SCYL3: variants seen among roughly 807,000 people sequenced by gnomAD.
The protein encoded by SCYL3 is SCY1 like pseudokinase 3, also known as protein-associating with the carboxyl-terminal domain of ezrin.
Under a neutral mutation model 73.8 loss-of-function variants are expected in SCYL3, and 35 were observed. The observed-to-expected ratio is 0.47, with a 90% CI of 0.36 to 0.63. The LOEUF (loss-of-function observed/expected upper bound fraction) is 0.63, where lower values mean the gene tolerates loss of function less well. Among genes scored for constraint, SCYL3 ranks in the 20% least tolerant of loss-of-function variants. SCYL3 has a pLI of 0.00. For missense variants in SCYL3, 712 were observed against 798.9 expected (o/e 0.89, Z 1.31); for synonymous variants, 277 against 295.2 (o/e 0.94, Z 0.63).
In SCYL3 at chr1:169,849,882, T is replaced by G; in HGVS notation, c.*3831A>C. The G allele has an allele frequency of 2.1e-6, 1 of 475,638 alleles. No homozygotes were observed. Among genetic ancestry groups the G allele is most frequent in the South Asian group, 2.6e-5 (1 of 38,328 alleles). 29.5% of individuals were successfully genotyped at this position (475,638 alleles called of 1,614,324 possible). A position where few individuals can be genotyped will look rare whatever the true frequency, so the allele number is the denominator to read the frequency against. ...GACACAGACACAGTCTTCCAGCAGA[T>G]AGTATTTTTGGGTCAAATGATAATA... On this transcript the variant is annotated 3_prime_UTR_variant, in exon 13 of 13. Transcript: ENST00000367771.
At chr1:169,855,189 G>GT (rs1311894784) in intron 11 of SCYL3, among the ~76,000 whole-genome samples, 2 of 152,184 alleles carry the variant, frequency 1.3e-5, no homozygotes, top group African/African-American at 4.8e-5. Flanking sequence ...GTGGAAGCAT[G>GT]TAAGTAATAA....
In SCYL3 at chr1:169,876,721, C is replaced by T. The variant is rs575515784; in HGVS notation, c.352-630G>A. 3.3e-5 allele frequency among the ~76,000 whole-genome samples: 5 copies of T among 151,880 alleles called. No individual in the cohort carries two copies. The East Asian group carries it at 5.8e-4, about 18-fold the overall frequency. On this transcript the variant is annotated intron_variant, in intron 3 of 12. Transcript: ENST00000367771. ...CTGTAATCCCAGCACTTTGGGAGGT[C>T]GAGGCAGGCAGATCATGAGGTCAGG...
chr1:169,882,014 T>C (rs777169007), intron 2 of SCYL3, among the ~76,000 whole-genome samples: 8 of 152,240 alleles, frequency 5.3e-5, no homozygotes, highest in Non-Finnish European at 2.9e-5. Context: ...TTGACGGCAC[T>C]TGAGGAGCCC....
Position 169,849,774 on chromosome 1 carries a change from G to A in SCYL3, c.*3939C>T, listed in dbSNP as rs12076599. On this transcript the variant is annotated 3_prime_UTR_variant, in exon 13 of 13. Coordinates refer to ENST00000367771, the MANE Select transcript of SCYL3 (RefSeq NM_020423.7). ...TTACAGCTTCTCAAAATGAGGCTTA[G>A]ATAAATGAAGTGAATTTCGTAAGGT... 4 of 599,740 alleles carry A rather than the reference G, an allele frequency of 6.7e-6. No homozygotes were observed. In the Admixed American group the frequency reaches 1.2e-4, roughly 18 times the overall value. 37.2% of individuals were successfully genotyped at this position (599,740 alleles called of 1,614,324 possible).
At chr1:169,860,903 C>T (rs1659589659) in intron 10 of SCYL3, among the ~76,000 whole-genome samples, 1 of 152,228 alleles carries the variant, frequency 6.6e-6, no homozygotes, top group Admixed American at 6.5e-5. Flanking sequence ...AGTGAACTTT[C>T]TAGCACACAC....
intron 10 of SCYL3, 145 bp from the exon 11 acceptor site, chr1:169,859,357 A>T: frequency 1.5e-6 from 1 of 681,112 alleles, no homozygotes; most frequent in African/African-American, 1.9e-5. Flanking sequence ...TGGCTCTCAA[A>T]CTACCTGTGG....
rs1486917164 is a variant in SCYL3 at position 169,863,973 on chromosome 1, A to G, written c.955+396T>C. Among the ~76,000 whole-genome samples, 3 of 152,160 alleles carry G rather than the reference A, an allele frequency of 2.0e-5. No homozygotes were observed. The East Asian group carries it at 5.8e-4, about 29-fold the overall frequency. On this transcript the variant is annotated intron_variant, in intron 9 of 12. Coordinates refer to ENST00000367771, the MANE Select transcript of SCYL3 (RefSeq NM_020423.7). ...ATTCGTAAAAAAAACTTGAAGCCCC[A>G]GGAAGTAAAATGATCTCAGTGCTTT...
At position 169,853,092 on chromosome 1, in the gene SCYL3, A is replaced by G; in HGVS notation, c.*621T>C. ...AAACAAATTTTGTAAAGTTGAATCT[A>G]GTGAAAATAATCTTTATTTGACATT... On this transcript the variant is annotated 3_prime_UTR_variant, in exon 13 of 13. Transcript: ENST00000367771. 9.7e-7 allele frequency: 1 copy of G among 1,035,826 alleles called. No individual in the cohort carries two copies. 64.2% of individuals were successfully genotyped at this position (1,035,826 alleles called of 1,614,324 possible).
At position 169,853,625 on chromosome 1, in the gene SCYL3, T is replaced by A; in HGVS notation, c.*88A>T. On this transcript the variant is annotated 3_prime_UTR_variant, in exon 13 of 13. Transcript: ENST00000367771. The stretch of plus-strand genomic sequence containing the variant: ...ATGGGAAAAGCAGGCCACTTTGGGG[T>A]TTTCTTGTCCCAAAGCCTGCTTTTG... The A allele has an allele frequency of 2.8e-6, 4 of 1,429,388 alleles. No homozygotes were observed. Among genetic ancestry groups the A allele is most frequent in the Non-Finnish European group, 3.9e-6 (4 of 1,030,964 alleles). The allele number at this position is 1,429,388 out of a possible 1,614,324, so 88.5% of individuals were successfully genotyped here. A position where few individuals can be genotyped will look rare whatever the true frequency, so the allele number is the denominator to read the frequency against.
chr1:169,894,093 T>C (rs1662285282), upstream of SCYL3: 1 of 152,322 alleles, frequency 6.6e-6, no homozygotes. Flanking sequence ...CGAGTTTCAC[T>C]CACTGCCCCA....
Position 169,862,749 on chromosome 1 carries a change from T to C in SCYL3, c.1004A>G (p.Gln335Arg). 6.2e-7 allele frequency: 1 copy of C among 1,614,226 alleles called. No individual in the cohort carries two copies. The change falls in exon 10 of 13, where the codon CAG becomes CGG. Residue 335 changes from glutamine to arginine, a missense_variant. Gln to Arg is a conservative substitution (Grantham distance 43). Transcript: ENST00000367771. ...GAGAAGCACGGGGATCACCCGTGAC[T>C]GGAACAGGGCTGGTGAGAGCAAGCA... is the stretch of plus-strand genomic sequence containing the variant. ...TPCLLSPALF[Q>R]SRVIPVLLQL... is the part of the protein sequence containing the mutation.
In SCYL3 at chr1:169,851,409, C is replaced by T. The variant is rs1658313956; in HGVS notation, c.*2304G>A. ...CCAGATTGGAGTGTGGTGGTGTGAT[C>T]ATAGCTCGCTATAACCTCAAACTCC... is the stretch of plus-strand genomic sequence containing the variant. On this transcript the variant is annotated 3_prime_UTR_variant, in exon 13 of 13. Transcript: ENST00000367771. 1 of 159,314 alleles carries T rather than the reference C, an allele frequency of 6.3e-6. No individual in the cohort carries two copies. The highest frequency in any genetic ancestry group is 1.4e-5 in the Non-Finnish European group (1 of 73,094). The allele number at this position is 159,314 out of a possible 1,614,324, so 9.9% of individuals were successfully genotyped here. A position where few individuals can be genotyped will look rare whatever the true frequency, so the allele number is the denominator to read the frequency against.
intron 2 of SCYL3, among the ~76,000 whole-genome samples, chr1:169,888,042 AG>A (rs1291516485): frequency 1.3e-4 from 20 of 152,374 alleles, no homozygotes; most frequent in African/African-American, 4.8e-4. Flanking sequence ...TTTCCATTTT[AG>A]AAGATGATAT....
Position 169,852,269 on chromosome 1 carries a change from T to C in SCYL3, c.*1444A>G. ...ACTCCTAAATGTTTAGTTTGATTCC[T>C]TGCCTTATTAATCAAATGAGTCTCC... On this transcript the variant is annotated 3_prime_UTR_variant, in exon 13 of 13. Coordinates refer to ENST00000367771, the MANE Select transcript of SCYL3 (RefSeq NM_020423.7). 2.9e-6 allele frequency: 1 copy of C among 341,232 alleles called. No individual in the cohort carries two copies. The allele number at this position is 341,232 out of a possible 1,614,324, so 21.1% of individuals were successfully genotyped here. A position where few individuals can be genotyped will look rare whatever the true frequency, so the allele number is the denominator to read the frequency against.
At chr1:169,860,398 C>T (rs1659542999) in intron 10 of SCYL3, among the ~76,000 whole-genome samples, 1 of 152,258 alleles carries the variant, frequency 6.6e-6, no homozygotes, top group South Asian at 2.1e-4. Flanking sequence ...ACCAGCCAGA[C>T]ACAAGGCCAG....
chr1:169,889,599 A>C (rs1404282885), intron 1 of SCYL3, among the ~76,000 whole-genome samples: 3 of 152,206 alleles, frequency 2.0e-5, no homozygotes, highest in South Asian at 2.1e-4. Context: ...GCTAAAAAAA[A>C]ACAAAAGCCC....
At chr1:169,876,380 GCA>G (rs2102184943) in intron 3 of SCYL3, among the ~76,000 whole-genome samples, 1 of 152,262 alleles carries the variant, frequency 6.6e-6, no homozygotes, top group South Asian at 2.1e-4. Context: ...TAAAGCCAGT[GCA>G]CACAGTCATC....
At chr1:169,883,458 G>A (rs1661448796) in intron 2 of SCYL3, among the ~76,000 whole-genome samples, 1 of 152,136 alleles carries the variant, frequency 6.6e-6, no homozygotes, top group Non-Finnish European at 1.5e-5. Flanking sequence ...CAATCACTGA[G>A]GAAGCCCTGT....
At position 169,878,829 on chromosome 1, in the gene SCYL3, T is replaced by C; in HGVS notation, c.166-10A>G. The C allele has an allele frequency of 6.2e-7, 1 of 1,601,170 alleles. No homozygotes were observed. The highest frequency in any genetic ancestry group is 8.5e-7 in the Non-Finnish European group (1 of 1,174,628). On this transcript the variant is annotated splice_polypyrimidine_tract_variant and intron_variant, in intron 2 of 12. Coordinates refer to ENST00000367771, the MANE Select transcript of SCYL3 (RefSeq NM_020423.7). ...GAAGTGTCTTCAAATGCTTTAAAAA[T>C]ACAAACCGAAGAGCTGAAGTTAATG...
Sources: allele counts gnomAD v4.1 joint callset (sites outside exome capture counted in the v4.1 genomes callset), GRCh38; gene constraint gnomAD v4.1.1; transcripts MANE v1.5; gene names NCBI Gene and HGNC (gene_info 2026-07-23, HGNC 2026-07-21).